Variants in MRPS30 observed in about 807,000 individuals in gnomAD.
The protein encoded by MRPS30 is mitochondrial ribosomal protein S30.
MRPS30 carries 42 observed loss-of-function variants against 43.8 expected under a neutral mutation model. The ratio of observed to expected loss-of-function variants is 0.96; its 90% confidence interval spans 0.75 to 1.24. The LOEUF (loss-of-function observed/expected upper bound fraction) is 1.24, where lower values mean the gene tolerates loss of function less well. MRPS30 is among the 50% of genes most tolerant of loss of function. The probability of loss-of-function intolerance (pLI) is 0.00; values close to 1 mark genes in which losing one functional copy is unlikely to be tolerated. For synonymous variants in MRPS30, 273 were observed against 228.2 expected, an observed-to-expected ratio of 1.20 and a Z score of -1.77; for missense variants, 638 against 570.0, an observed-to-expected ratio of 1.12 and a Z score of -1.22.
rs771798488 is a variant in MRPS30, at chr5:44,814,981, T to C, written c.1099T>C (p.Phe367Leu). ...SQAVITDGKYFSFFCYQLNTL... is the reference protein window; with the variant it reads ...SQAVITDGKYLSFFCYQLNTL... ...GGCTGTGATCACAGATGGAAAATAC[T>C]TTTCCTTTTTCTGCTACCAGCTAAA... is the stretch of plus-strand genomic sequence containing the variant. The change falls in exon 5 of 5, where the codon TTT (phenylalanine) becomes CTT (leucine). Residue 367 changes from phenylalanine (F) to leucine (L), a missense_variant. Transcript: ENST00000507110. 1.2e-6 allele frequency: 2 copies of C among 1,613,756 alleles called. No individual in the cohort carries two copies. Among genetic ancestry groups the C allele is most frequent in the African/African-American group, 2.7e-5 (2 of 74,920 alleles).
intron 2 of MRPS30, among the ~76,000 whole-genome samples, chr5:44,811,564 G>A (rs1742839559): frequency 6.6e-6 from 1 of 152,180 alleles, no homozygotes; most frequent in African/African-American, 2.4e-5. Context: ...GATATTTTGA[G>A]TATTGTCTAT....
chr5:44,809,523 C>T lies in MRPS30; in HGVS notation c.561C>T (p.Leu187=), dbSNP rs538416999. ...LDQLVSTLVG[L]LSPHNPALAA... ...AGCTGGTGTCAACCCTCGTGGGCCT[C>T]CTCAGCCCACACAACCCGGCCCTGG... The change falls in exon 1 of 5, where the codon CTC becomes CTT. Residue 187 remains leucine, a synonymous_variant. Transcript: ENST00000507110. 5.0e-6 allele frequency: 8 copies of T among 1,610,658 alleles called. No individual in the cohort carries two copies. The South Asian group carries it at 6.6e-5, about 13-fold the overall frequency.
chr5:44,809,627 C>T (rs1440987512), intron 1 of MRPS30, 64 bp downstream of exon 1: 3 of 1,424,192 alleles, frequency 2.1e-6, no homozygotes, highest in Non-Finnish European at 2.9e-6. Flanking sequence ...GTTACTCTGC[C>T]GCAGATTTAC....
At position 44,811,799 on chromosome 5, in the gene MRPS30, A is replaced by G. The variant is rs1014488042; in HGVS notation, c.748-116A>G. The G allele has an allele frequency of 4.6e-5, 30 of 645,588 alleles. No individual in the cohort carries two copies. In the Middle Eastern group the frequency reaches 1.8e-3, roughly 39 times the overall value. 40.0% of individuals were successfully genotyped at this position (645,588 alleles called of 1,614,324 possible). ...ATTTGGCCCATCATTCGATGATAGT[A>G]TTATCAAATCATTTTGTGAAATCAC... On this transcript the variant is annotated intron_variant, in intron 2 of 4. Coordinates refer to ENST00000507110, the MANE Select transcript of MRPS30 (RefSeq NM_016640.4).
rs1217918357 is a variant in MRPS30, at chr5:44,815,493, A to G, written c.*291A>G. On this transcript the variant is annotated 3_prime_UTR_variant, in exon 5 of 5. Transcript: ENST00000507110. The stretch of plus-strand genomic sequence containing the variant: ...TTTTAATATAAATGCAGAAATCCCA[A>G]ATAAAATGCTAACATACTGAATTCA... The G allele has an allele frequency of 8.2e-6, 2 of 243,634 alleles. No individual in the cohort carries two copies. The highest frequency in any genetic ancestry group is 4.6e-5 in the African/African-American group (2 of 43,598). 15.1% of individuals were successfully genotyped at this position (243,634 alleles called of 1,614,324 possible).
At position 44,812,012 on chromosome 5, in the gene MRPS30, T is replaced by C; in HGVS notation, c.845T>C (p.Ile282Thr). The change falls in exon 3 of 5, where the codon ATA (isoleucine) becomes ACA (threonine). Residue 282 changes from isoleucine to threonine, a missense_variant. Transcript: ENST00000507110. ...PLFKRQYENH[I>T]FVGSKTADPC... ...TTCAAACGGCAGTATGAAAACCACA[T>C]ATTTGTTGGTAAGTTTCTCTTTTGA... 1 of 1,578,564 alleles carries C rather than the reference T, an allele frequency of 6.3e-7. No homozygotes were observed. The highest frequency in any genetic ancestry group is 8.6e-7 in the Non-Finnish European group (1 of 1,157,600).
At chr5:44,810,137 T>C (rs1358414347) in intron 1 of MRPS30, 1 of 151,944 alleles carries the variant, frequency 6.6e-6, no homozygotes, top group Non-Finnish European at 1.5e-5. Context: ...TGCTAGGCCC[T>C]GGTTCTAAAT....
At chr5:44,812,770 T>C (rs773908954) in intron 3 of MRPS30, among the ~76,000 whole-genome samples, 3 of 152,088 alleles carry the variant, frequency 2.0e-5, no homozygotes, top group Non-Finnish European at 2.9e-5. Flanking sequence ...TCTTAGTTAA[T>C]ATGACAAGGA....
intron 1 of MRPS30, chr5:44,809,945 T>G (rs771078534): frequency 4.5e-6 from 1 of 222,908 alleles, no homozygotes. Flanking sequence ...TGTGACCATG[T>G]GTCACATGGC....
intron 1 of MRPS30, 125 bp downstream of exon 1, chr5:44,809,688 G>T: frequency 1.8e-6 from 2 of 1,117,034 alleles, no homozygotes; most frequent in South Asian, 1.6e-5. Flanking sequence ...TAGTCCTTTC[G>T]TTCCTATCTG....
chr5:44,809,340 G>T lies in MRPS30; in HGVS notation c.378G>T (p.Glu126Asp), dbSNP rs564904072. Residue 126 changes from glutamate (E) to aspartate (D), a missense_variant, in exon 1 of 5, where the codon GAG becomes GAT. Transcript: ENST00000507110. ...SGLPPPPAEPEPEPEPEPEPA... is the reference protein window; with the variant it reads ...SGLPPPPAEPDPEPEPEPEPA... ...TGCCGCCGCCCCCAGCGGAGCCCGA[G>T]CCCGAGCCCGAACCCGAACCTGAAC... The T allele has an allele frequency of 6.2e-7, 1 of 1,608,874 alleles. No individual in the cohort carries two copies. The highest frequency in any genetic ancestry group is 1.3e-5 in the African/African-American group (1 of 74,666).
chr5:44,814,773 C>T, intron 4 of MRPS30, 140 bp from the exon 5 acceptor site: 1 of 735,406 alleles, frequency 1.4e-6, no homozygotes, highest in Non-Finnish European at 2.2e-6. Flanking sequence ...GATAAGGAAA[C>T]TTTGAGGTCT....
At position 44,815,339 on chromosome 5, in the gene MRPS30, T is replaced by A; in HGVS notation, c.*137T>A. On this transcript the variant is annotated 3_prime_UTR_variant, in exon 5 of 5. Coordinates refer to ENST00000507110, the MANE Select transcript of MRPS30 (RefSeq NM_016640.4). ...TTTCTTATGTCAACCTGTTATTAGA[T>A]CTCTTACTCTGCTCAAATTCATCAC... 1.4e-6 allele frequency: 1 copy of A among 731,036 alleles called. No individual in the cohort carries two copies. Among genetic ancestry groups the A allele is most frequent in the East Asian group, 2.8e-5 (1 of 35,526 alleles). The allele number at this position is 731,036 out of a possible 1,614,324, so 45.3% of individuals were successfully genotyped here. A position where few individuals can be genotyped will look rare whatever the true frequency, so the allele number is the denominator to read the frequency against.
rs749274124 is a variant in MRPS30, at chr5:44,809,075, C to T, written c.113C>T (p.Ala38Val). The change falls in exon 1 of 5, where the codon GCG becomes GTG. Residue 38 changes from alanine to valine, a missense_variant. Physicochemically the swap from Ala to Val is moderately conservative, Grantham distance 64. Coordinates refer to ENST00000507110, the MANE Select transcript of MRPS30 (RefSeq NM_016640.4). Reference sequence around the variant, plus strand: ...GAAACGACCTGCCAAGACGTCGCGGCGACCCCCGTCGCGCGGTACCCGCCG... The same window carrying T: ...GAAACGACCTGCCAAGACGTCGCGGTGACCCCCGTCGCGCGGTACCCGCCG... Reference protein sequence around the residue: ...ATETTCQDVAATPVARYPPIV... With the variant: ...ATETTCQDVAVTPVARYPPIV... 2 of 1,609,020 alleles carry T rather than the reference C, an allele frequency of 1.2e-6. No homozygotes were observed. Among genetic ancestry groups the T allele is most frequent in the South Asian group, 1.1e-5 (1 of 90,774 alleles).
At position 44,814,996 on chromosome 5, in the gene MRPS30, T is replaced by C; in HGVS notation, c.1114T>C (p.Tyr372His). 1 of 1,613,736 alleles carries C rather than the reference T, an allele frequency of 6.2e-7. No individual in the cohort carries two copies. The highest frequency in any genetic ancestry group is 8.5e-7 in the Non-Finnish European group (1 of 1,179,704). The change falls in exon 5 of 5, where the codon TAC becomes CAC. Residue 372 changes from tyrosine (Y) to histidine (H), a missense_variant. Transcript: ENST00000507110. ...TDGKYFSFFC[Y>H]QLNTLALTTQ... is the part of the protein sequence containing the mutation. ...TGGAAAATACTTTTCCTTTTTCTGC[T>C]ACCAGCTAAATACTTTGGCACTGAC...
Position 44,815,226 on chromosome 5 carries a change from G to A in MRPS30, c.*24G>A. On this transcript the variant is annotated 3_prime_UTR_variant, in exon 5 of 5. Coordinates refer to ENST00000507110, the MANE Select transcript of MRPS30 (RefSeq NM_016640.4). The stretch of plus-strand genomic sequence containing the variant: ...GAAAAAGCATATTTGATTGAGAACT[G>A]TGGGAATATTTAAATTTTACTGAAG... 6.5e-7 allele frequency: 1 copy of A among 1,528,856 alleles called. No individual in the cohort carries two copies. Among genetic ancestry groups the A allele is most frequent in the Non-Finnish European group, 8.7e-7 (1 of 1,144,118 alleles). The allele number at this position is 1,528,856 out of a possible 1,614,324, so 94.7% of individuals were successfully genotyped here. A position where few individuals can be genotyped will look rare whatever the true frequency, so the allele number is the denominator to read the frequency against.
At position 44,809,148 on chromosome 5, in the gene MRPS30, G is replaced by A; in HGVS notation, c.186G>A (p.Arg62=). Residue 62 remains arginine (R), a synonymous_variant, in exon 1 of 5, where the codon CGG becomes CGA. Transcript: ENST00000507110. ...TADSKAARLR[R]IERWQATVHA... Reference sequence around the variant, plus strand: ...ACAGCAAAGCTGCACGGCTGCGGCGGATCGAGCGCTGGCAGGCGACGGTGC... The same window carrying A: ...ACAGCAAAGCTGCACGGCTGCGGCGAATCGAGCGCTGGCAGGCGACGGTGC... 6.2e-7 allele frequency: 1 copy of A among 1,611,932 alleles called. No individual in the cohort carries two copies. Among genetic ancestry groups the A allele is most frequent in the Non-Finnish European group, 8.5e-7 (1 of 1,179,478 alleles).
chr5:44,814,984 T>C lies in MRPS30; in HGVS notation c.1102T>C (p.Ser368Pro), dbSNP rs61754777. The C allele has an allele frequency of 1.1e-5, 17 of 1,613,772 alleles. No homozygotes were observed. The highest frequency in any genetic ancestry group is 8.3e-5 in the Admixed American group (5 of 60,000). Residue 368 changes from serine to proline, a missense_variant, in exon 5 of 5, where the codon TCC becomes CCC. Physicochemically the swap from Ser to Pro is moderately conservative, Grantham distance 74. Transcript: ENST00000507110. The part of the protein sequence containing the change: ...QAVITDGKYF[S>P]FFCYQLNTLA... Reference sequence around the variant, plus strand: ...TGTGATCACAGATGGAAAATACTTTTCCTTTTTCTGCTACCAGCTAAATAC... The same window carrying C: ...TGTGATCACAGATGGAAAATACTTTCCCTTTTTCTGCTACCAGCTAAATAC...
At position 44,813,236 on chromosome 5, in the gene MRPS30, T is replaced by TA. The variant is rs762363253; in HGVS notation, c.985dup (p.Ile329AsnfsTer20). Reference sequence around the variant, plus strand: ...TAGAAGTTGTTTTTAGAGCTAATGCTATTGCAAGCCTTTTTGCTTGGACTG... The same window carrying TA: ...TAGAAGTTGTTTTTAGAGCTAATGCTAATTGCAAGCCTTTTTGCTTGGACTG... On this transcript the variant is annotated frameshift_variant, in exon 4 of 5. Coordinates refer to ENST00000507110, the MANE Select transcript of MRPS30 (RefSeq NM_016640.4). LOFTEE classifies it high-confidence loss of function. The TA allele has an allele frequency of 1.9e-5, 30 of 1,611,072 alleles. No homozygotes were observed. In the South Asian group the frequency reaches 3.2e-4, roughly 17 times the overall value.
Sources: allele counts gnomAD v4.1 joint callset (sites outside exome capture counted in the v4.1 genomes callset), GRCh38; gene constraint gnomAD v4.1.1; transcripts MANE v1.5; gene names NCBI Gene and HGNC (gene_info 2026-07-23, HGNC 2026-07-21).